The following DOCK3 variants were observed in gnomAD, a reference collection of about 807,000 sequenced individuals.
DOCK3 encodes dedicator of cytokinesis 3, also known as dedicator of cytokinesis protein 3.
In DOCK3, 60 loss-of-function variants were observed where a neutral mutation model predicts 265.6. The observed-to-expected ratio is 0.23, with a 90% CI of 0.18 to 0.28. The LOEUF (loss-of-function observed/expected upper bound fraction) is 0.28. Ranked by LOEUF, DOCK3 falls within the 10% of genes least tolerant of loss-of-function variation. The pLI is 1.00. For synonymous variants in DOCK3, 881 were observed against 938.0 expected, an observed-to-expected ratio of 0.94 and a Z score of 1.11; for missense variants, 1,981 against 2,594.3, an observed-to-expected ratio of 0.76 and a Z score of 5.14.
At chr3:50,764,448 G>T (rs2040735913) in intron 1 of DOCK3, among the ~76,000 whole-genome samples, 1 of 152,150 alleles carries the variant, frequency 6.6e-6, no homozygotes, top group South Asian at 2.1e-4. Context: ...ACAAGAGTAT[G>T]TTTATAGGTT....
chr3:51,096,427 C>G (rs2082859199), intron 9 of DOCK3, among the ~76,000 whole-genome samples: 1 of 151,838 alleles, frequency 6.6e-6, no homozygotes, highest in Non-Finnish European at 1.5e-5. Context: ...TCCACTTGAT[C>G]AATTCGGCTA....
intron 3 of DOCK3, among the ~76,000 whole-genome samples, chr3:50,851,311 G>A (rs1217197833): frequency 6.6e-6 from 1 of 151,972 alleles, no homozygotes; most frequent in Admixed American, 6.5e-5. Flanking sequence ...CAGGCAAGCA[G>A]GTGCTCTGAA....
chr3:51,185,142 G>GA, intron 12 of DOCK3, among the ~76,000 whole-genome samples: 1 of 152,154 alleles, frequency 6.6e-6, no homozygotes, highest in African/African-American at 2.4e-5. Flanking sequence ...TCTTGGAGCA[G>GA]AAAAAAGATA....
At chr3:51,010,612 C>T (rs753438708) in intron 5 of DOCK3, among the ~76,000 whole-genome samples, 24 of 152,038 alleles carry the variant, frequency 1.6e-4, no homozygotes, top group Admixed American at 9.2e-4. Context: ...GCATTTAGCC[C>T]GTTTACATTT....
intron 5 of DOCK3, among the ~76,000 whole-genome samples, chr3:50,977,925 G>A (rs1321381893): frequency 1.3e-5 from 2 of 151,910 alleles, no homozygotes; most frequent in Non-Finnish European, 2.9e-5. Flanking sequence ...CTTTCTTCCA[G>A]TTGATCGCAT....
intron 1 of DOCK3, among the ~76,000 whole-genome samples, chr3:50,698,197 C>T (rs767865185): frequency 5.9e-5 from 9 of 152,006 alleles, no homozygotes; most frequent in African/African-American, 1.7e-4. Flanking sequence ...CTCCCCCACC[C>T]GGGCACCCCC....
intron 27 of DOCK3, among the ~76,000 whole-genome samples, chr3:51,280,630 C>A (rs1397214956): frequency 6.6e-6 from 1 of 151,816 alleles, no homozygotes; most frequent in African/African-American, 2.4e-5. Context: ...TGGAAGATAC[C>A]TTTAGAGAGC....
intron 9 of DOCK3, among the ~76,000 whole-genome samples, chr3:51,116,279 G>A (rs9713035): frequency 0.83 from 126,144 of 151,344 alleles, 53,046 homozygotes; most frequent in East Asian, 0.95. Flanking sequence ...GTGAAACCCC[G>A]TCTCTACTAA....
In DOCK3 at chr3:50,910,773, A is replaced by G. The variant is rs576414240; in HGVS notation, c.218+20692A>G. Among the ~76,000 whole-genome samples, 142 of 152,172 alleles carry G rather than the reference A, an allele frequency of 9.3e-4. 1 individual carries two copies. The highest frequency in any genetic ancestry group is 3.3e-3 in the African/African-American group (138 of 41,474). ...TTGTCTCTCCATGTGCTGATGGTGG[A>G]TGGGGATTGGTGGTGTAGGCAATGT... is the stretch of plus-strand genomic sequence containing the variant. On this transcript the variant is annotated intron_variant, in intron 4 of 52. Transcript: ENST00000266037.
intron 6 of DOCK3, among the ~76,000 whole-genome samples, chr3:51,064,855 C>T (rs2081536592): frequency 6.6e-6 from 1 of 152,152 alleles, no homozygotes; most frequent in Non-Finnish European, 1.5e-5. Context: ...CTAGATTATC[C>T]TATAAAGTTA....
At chr3:51,356,286 C>A (rs1293784751) in intron 42 of DOCK3, 31 bp downstream of exon 42, 3 of 1,613,120 alleles carry the variant, frequency 1.9e-6, no homozygotes, top group Non-Finnish European at 2.5e-6. Flanking sequence ...GGGCAGTACA[C>A]ACAGCAAGTC....
chr3:50,765,957 C>T (rs575140904), intron 1 of DOCK3, among the ~76,000 whole-genome samples: 3 of 152,210 alleles, frequency 2.0e-5, no homozygotes, highest in South Asian at 4.1e-4. Flanking sequence ...CTGGTAACCG[C>T]GGTCCTATTC....
chr3:51,080,527 G>A (rs542577816), intron 7 of DOCK3, among the ~76,000 whole-genome samples: 135 of 152,300 alleles, frequency 8.9e-4, no homozygotes, highest in African/African-American at 3.2e-3. Context: ...TGACAAGAGT[G>A]CCCTGAAAGA....
chr3:50,918,296 A>G (rs1446989052), intron 4 of DOCK3, among the ~76,000 whole-genome samples: 1 of 152,118 alleles, frequency 6.6e-6, no homozygotes, highest in Admixed American at 6.5e-5. Context: ...GGCTGGGTCA[A>G]ATGGTATTTC....
intron 5 of DOCK3, among the ~76,000 whole-genome samples, chr3:50,977,507 A>T (rs1043031977): frequency 3.3e-5 from 5 of 152,172 alleles, no homozygotes; most frequent in Admixed American, 2.0e-4. Flanking sequence ...TTCTGCCAAG[A>T]GATCCCCTGT....
chr3:51,162,876 GA>G (rs1342506102), intron 12 of DOCK3, among the ~76,000 whole-genome samples: 7 of 152,044 alleles, frequency 4.6e-5, no homozygotes, highest in Non-Finnish European at 7.4e-5. Context: ...TTATAGAGAA[GA>G]TTTTTTTTCA....
intron 1 of DOCK3, among the ~76,000 whole-genome samples, chr3:50,766,714 G>T (rs909268788): frequency 3.9e-5 from 6 of 152,112 alleles, no homozygotes; most frequent in African/African-American, 1.4e-4. Context: ...TTCCACAATG[G>T]TTGAACCAGT....
intron 32 of DOCK3, among the ~76,000 whole-genome samples, chr3:51,322,483 A>G (rs1407241232): frequency 6.6e-6 from 1 of 152,196 alleles, no homozygotes; most frequent in African/African-American, 2.4e-5. Context: ...GATTACAGGC[A>G]TGAGCCACCA....
chr3:50,983,005 C>T (rs1341631256), intron 5 of DOCK3, among the ~76,000 whole-genome samples: 1 of 152,204 alleles, frequency 6.6e-6, no homozygotes, highest in African/African-American at 2.4e-5. Context: ...TGCCTGGCCT[C>T]TCCCTGTCCC....
Sources: allele counts gnomAD v4.1 joint callset (sites outside exome capture counted in the v4.1 genomes callset), GRCh38; gene constraint gnomAD v4.1.1; transcripts MANE v1.5; gene names NCBI Gene and HGNC (gene_info 2026-07-23, HGNC 2026-07-21).